The following VPS13A variants were observed in gnomAD, a reference collection of about 807,000 sequenced individuals.
The protein encoded by VPS13A is intermembrane lipid transfer protein VPS13A.
VPS13A carries 264 observed loss-of-function variants against 390.9 expected under a neutral mutation model. The ratio of observed to expected loss-of-function variants is 0.68; its 90% CI spans 0.61 to 0.75. The LOEUF (loss-of-function observed/expected upper bound fraction) is 0.75, where lower values mean the gene tolerates loss of function less well. Among genes scored for constraint, VPS13A ranks in the 30% least tolerant of loss-of-function variants. The pLI, the probability that VPS13A is intolerant of heterozygous loss-of-function variation, is 0.00. For synonymous variants in VPS13A, 1,231 were observed against 1,227.1 expected, an observed-to-expected ratio of 1.00 and a Z score of -0.07; for missense variants, 3,409 against 3,733.9, an observed-to-expected ratio of 0.91 and a Z score of 2.27.
intron 33 of VPS13A, 32 bp from the exon 34 acceptor site, chr9:77,302,883 A>G: frequency 1.9e-6 from 3 of 1,599,712 alleles, no homozygotes; most frequent in Non-Finnish European, 2.6e-6. Context: ...TGTATATGAA[A>G]CAATTTAAAA....
At chr9:77,200,368 A>G (rs1825256749) in intron 2 of VPS13A, among the ~76,000 whole-genome samples, 1 of 152,150 alleles carries the variant, frequency 6.6e-6, no homozygotes, top group African/African-American at 2.4e-5. Context: ...GGACGCCAGT[A>G]ATCCCAGCTG....
chr9:77,355,923 C>G (rs1381932546), intron 54 of VPS13A, among the ~76,000 whole-genome samples: 1 of 152,180 alleles, frequency 6.6e-6, no homozygotes, highest in Admixed American at 6.5e-5. Flanking sequence ...ACAAGTTTTC[C>G]TGCTTCTAAT....
chr9:77,332,483 G>A (rs1680382146), intron 46 of VPS13A, among the ~76,000 whole-genome samples: 1 of 151,654 alleles, frequency 6.6e-6, no homozygotes, highest in African/African-American at 2.4e-5. Context: ...CAATTTTTTT[G>A]AAATTCCTTT....
intron 17 of VPS13A, among the ~76,000 whole-genome samples, chr9:77,237,419 C>T (rs1824214025): frequency 6.6e-6 from 1 of 151,784 alleles, no homozygotes; most frequent in East Asian, 2.0e-4. Context: ...AGCTGGAGGG[C>T]AGTGGCATGA....
At chr9:77,285,392 T>C (rs1049437939) in intron 31 of VPS13A, among the ~76,000 whole-genome samples, 1 of 152,230 alleles carries the variant, frequency 6.6e-6, no homozygotes, top group Non-Finnish European at 1.5e-5. Context: ...TGTAGCACCA[T>C]TGGACAAATA....
intron 16 of VPS13A, 72 bp downstream of exon 16, chr9:77,227,557 C>CT: frequency 8.0e-7 from 1 of 1,242,486 alleles, no homozygotes; most frequent in Non-Finnish European, 1.1e-6. Flanking sequence ...GGGTCTCACT[C>CT]TGTTGCCCAG....
chr9:77,366,908 AT>A (rs1452078139), intron 61 of VPS13A, 36 bp downstream of exon 61: 1 of 1,601,558 alleles, frequency 6.2e-7, no homozygotes, highest in Admixed American at 1.7e-5. Flanking sequence ...ATTGATGGAA[AT>A]ATTTCTATTT....
chr9:77,258,466 A>G (rs568215958), intron 22 of VPS13A, among the ~76,000 whole-genome samples: 11 of 152,254 alleles, frequency 7.2e-5, no homozygotes, highest in African/African-American at 2.4e-4. Flanking sequence ...TAGTGACTCT[A>G]TCTACTAACA....
intron 68 of VPS13A, among the ~76,000 whole-genome samples, chr9:77,389,308 CT>C (rs57239835): frequency 0.27 from 36,649 of 137,494 alleles, 4,460 homozygotes; most frequent in Middle Eastern, 0.34. Flanking sequence ...AAGCAGAACT[CT>C]TTTTTTTTTT....
intron 9 of VPS13A, among the ~76,000 whole-genome samples, chr9:77,214,123 A>G (rs1210776340): frequency 6.6e-6 from 1 of 152,006 alleles, no homozygotes; most frequent in Non-Finnish European, 1.5e-5. Flanking sequence ...TAAAAATACA[A>G]AAATTAGCCA....
intron 68 of VPS13A, among the ~76,000 whole-genome samples, chr9:77,385,872 G>A (rs1833660645): frequency 6.6e-6 from 1 of 151,278 alleles, no homozygotes; most frequent in South Asian, 2.1e-4. Context: ...TATGTTTTTT[G>A]AAAGTGACTA....
At chr9:77,406,033 A>G in intron 70 of VPS13A, 46 bp downstream of exon 70, 1 of 1,608,848 alleles carries the variant, frequency 6.2e-7, no homozygotes, top group Non-Finnish European at 8.5e-7. Flanking sequence ...ACTGAAAATA[A>G]TGCTTTGAAG....
At position 77,238,303 on chromosome 9, in the gene VPS13A, G is replaced by A. The variant is rs757010076; in HGVS notation, c.1817G>A (p.Arg606Lys). 8.7e-6 allele frequency: 14 copies of A among 1,613,816 alleles called. No homozygotes were observed. The highest frequency in any genetic ancestry group is 1.7e-5 in the Admixed American group (1 of 59,982). ...RTVNSIVEFF[R>K]PPKEVHLAQL... ...GTGAATAGTATAGTGGAATTCTTCAGACCTCCAAAAGAGGTACATCTAGCA... is the reference window on the plus strand; with the variant it reads ...GTGAATAGTATAGTGGAATTCTTCAAACCTCCAAAAGAGGTACATCTAGCA... Residue 606 changes from arginine to lysine, a missense_variant, in exon 19 of 72, where the codon AGA (arginine) becomes AAA (lysine). Arg to Lys is a conservative substitution (Grantham distance 26, BLOSUM62 2). Coordinates refer to ENST00000360280, the MANE Select transcript of VPS13A (RefSeq NM_033305.3).
chr9:77,366,751 T>G lies in VPS13A; in HGVS notation c.8350T>G (p.Ser2784Ala), dbSNP rs368916151. ...GTTACATTTAAGTGTTTCACTGAGT[T>G]CCGGCAGAGAAGAAGCTAAAGATTC... is the stretch of plus-strand genomic sequence containing the variant. ...IKLHLSVSLS[S>A]GREEAKDSKQ... is the part of the protein sequence containing the mutation. Residue 2784 changes from serine to alanine, a missense_variant, in exon 61 of 72, where the codon TCC becomes GCC. This residue lies in a region of VPS13A where 123 missense variants were observed against 118.7 expected (regional missense o/e 1.04). Coordinates refer to ENST00000360280, the MANE Select transcript of VPS13A (RefSeq NM_033305.3). 3,120 of 1,612,910 alleles carry G rather than the reference T, an allele frequency of 1.9e-3. 67 individuals carry two copies. The South Asian group carries it at 0.033, about 17-fold the overall frequency.
intron 9 of VPS13A, 120 bp from the exon 10 acceptor site, chr9:77,214,207 CAG>C (rs1334312671): frequency 2.3e-5 from 18 of 796,872 alleles, no homozygotes; most frequent in East Asian, 8.1e-5. Context: ...GTCCATGAGA[CAG>C]GGGTTGCAGT....
chr9:77,365,290 G>A (rs1203585258), intron 59 of VPS13A, among the ~76,000 whole-genome samples, 170 bp from the exon 60 acceptor site: 1 of 152,124 alleles, frequency 6.6e-6, no homozygotes, highest in Non-Finnish European at 1.5e-5. Flanking sequence ...TTTGTCAGTG[G>A]CAGACAGAAC....
intron 37 of VPS13A, among the ~76,000 whole-genome samples, chr9:77,314,917 C>A (rs1829300080): frequency 6.6e-6 from 1 of 152,110 alleles, no homozygotes; most frequent in Admixed American, 6.6e-5. Context: ...TTTTTACATT[C>A]TTTAAATTAC....
At chr9:77,378,239 T>TA (rs952385317) in intron 67 of VPS13A, among the ~76,000 whole-genome samples, 15 of 150,730 alleles carry the variant, frequency 1.0e-4, no homozygotes, top group South Asian at 4.2e-4. Context: ...TGATGTTAAT[T>TA]AAAAAAAAAA....
intron 58 of VPS13A, among the ~76,000 whole-genome samples, chr9:77,360,281 A>G (rs1029873968): frequency 2.0e-5 from 3 of 152,154 alleles, no homozygotes; most frequent in African/African-American, 7.2e-5. Context: ...TTTATTCATT[A>G]TCACTAATAT....
Sources: allele counts gnomAD v4.1 joint callset (sites outside exome capture counted in the v4.1 genomes callset), GRCh38; gene constraint gnomAD v4.1.1; regional missense constraint gnomAD v4.1.1; transcripts MANE v1.5; gene names NCBI Gene and HGNC (gene_info 2026-07-23, HGNC 2026-07-21).